Variants in PARD3 observed in about 807,000 individuals in gnomAD.
The protein encoded by PARD3 is partitioning defective 3 homolog.
Under a neutral mutation model 155.4 loss-of-function variants are expected in PARD3, and 75 were observed. That is an observed-to-expected ratio of 0.48 (90% confidence interval 0.40 to 0.58). The LOEUF (loss-of-function observed/expected upper bound fraction) is 0.58, where lower values mean the gene tolerates loss of function less well. Ranked by LOEUF, PARD3 falls within the 20% of genes least tolerant of loss-of-function variation. PARD3 has a pLI of 0.00. For missense variants in PARD3, 1,642 were observed against 1,721.7 expected (o/e 0.95, Z 0.82); for synonymous variants, 576 against 610.5 (o/e 0.94, Z 0.83).
intron 20 of PARD3, among the ~76,000 whole-genome samples, chr10:34,312,652 A>G (rs1272744682): frequency 6.6e-6 from 1 of 152,204 alleles, no homozygotes; most frequent in Non-Finnish European, 1.5e-5. Flanking sequence ...TCGGGGACCC[A>G]GGTAATCATT....
At chr10:34,266,332 G>A (rs924538933) in intron 22 of PARD3, among the ~76,000 whole-genome samples, 2 of 152,134 alleles carry the variant, frequency 1.3e-5, no homozygotes, top group Non-Finnish European at 2.9e-5. Flanking sequence ...TGACATCACA[G>A]CCAAATTCAC....
In PARD3 at chr10:34,119,695, C is replaced by T. The variant is rs145774096; in HGVS notation, c.3586G>A (p.Val1196Met). 1.1e-4 allele frequency: 181 copies of T among 1,613,008 alleles called. No homozygotes were observed. Among genetic ancestry groups the T allele is most frequent in the Admixed American group, 2.3e-4 (14 of 59,992 alleles). Residue 1196 changes from valine (V) to methionine (M), a missense_variant, in exon 24 of 25, where the codon GTG (valine) becomes ATG (methionine). Physicochemically the swap from Val to Met is conservative, Grantham distance 21. Coordinates refer to ENST00000374788, the MANE Select transcript of PARD3 (RefSeq NM_001184785.2). Reference protein sequence around the residue: ...ATQSGRHSVSVEVQMQRQRQE... With the variant: ...ATQSGRHSVSMEVQMQRQRQE... ...CGCTGCCGCTGCATCTGCACCTCCA[C>T]GGACACCGAGTGTCGCCCGCTCTGC... is the stretch of plus-strand genomic sequence containing the variant.
rs533886624 is a variant in PARD3 at position 34,229,576 on chromosome 10, C to T, written c.3419+40081G>A. Reference sequence around the variant, plus strand: ...TCTTCTTTTTAAATACATTCCACAACTGTTATGCCTAAATATGCCTCTTTA... The same window carrying T: ...TCTTCTTTTTAAATACATTCCACAATTGTTATGCCTAAATATGCCTCTTTA... On this transcript the variant is annotated intron_variant, in intron 22 of 24. Transcript: ENST00000374788. Among the ~76,000 whole-genome samples, 11 of 152,014 alleles carry T rather than the reference C, an allele frequency of 7.2e-5. 1 individual carries two copies. In the South Asian group the frequency reaches 2.1e-3, roughly 29 times the overall value.
intron 2 of PARD3, among the ~76,000 whole-genome samples, chr10:34,528,280 A>T (rs2082611959): frequency 6.6e-6 from 1 of 152,206 alleles, no homozygotes. Flanking sequence ...TTTTAAAGAA[A>T]ATCTATTCTA....
At chr10:34,229,164 A>G (rs1436914642) in intron 22 of PARD3, among the ~76,000 whole-genome samples, 1 of 152,082 alleles carries the variant, frequency 6.6e-6, no homozygotes, top group African/African-American at 2.4e-5. Context: ...CATCAGCTAT[A>G]TGACTGCTTC....
intron 1 of PARD3, among the ~76,000 whole-genome samples, chr10:34,793,870 T>C (rs549030557): frequency 6.6e-6 from 1 of 152,158 alleles, no homozygotes; most frequent in South Asian, 2.1e-4. Context: ...AGATAATCCA[T>C]AACAAATGGT....
intron 22 of PARD3, among the ~76,000 whole-genome samples, chr10:34,134,425 AGGATC>A (rs1947782039): frequency 6.6e-6 from 1 of 152,332 alleles, no homozygotes; most frequent in East Asian, 1.9e-4. Flanking sequence ...CATAATTATT[AGGATC>A]ATGAAGTTGA....
intron 22 of PARD3, among the ~76,000 whole-genome samples, chr10:34,158,175 T>G (rs920707912): frequency 6.6e-6 from 1 of 152,038 alleles, no homozygotes; most frequent in Non-Finnish European, 1.5e-5. Flanking sequence ...AGCCCAGAGT[T>G]TGAAACCAGC....
chr10:34,276,347 A>C (rs1955878083), intron 21 of PARD3, among the ~76,000 whole-genome samples: 1 of 152,206 alleles, frequency 6.6e-6, no homozygotes, highest in Admixed American at 6.6e-5. Context: ...TAAAGTAATA[A>C]GGTTAATTTC....
chr10:34,557,516 T>C (rs1413394966), intron 2 of PARD3, among the ~76,000 whole-genome samples: 2 of 152,108 alleles, frequency 1.3e-5, no homozygotes, highest in African/African-American at 4.8e-5. Flanking sequence ...TTCGCTCTTG[T>C]TGCTCAGGCC....
intron 22 of PARD3, among the ~76,000 whole-genome samples, chr10:34,220,175 T>G (rs1010286743): frequency 2.6e-5 from 4 of 152,150 alleles, no homozygotes; most frequent in Non-Finnish European, 4.4e-5. Context: ...TCACTGCAAC[T>G]CCACTCCTAC....
At chr10:34,228,058 ATAC>A (rs1261378486) in intron 22 of PARD3, among the ~76,000 whole-genome samples, 1 of 151,638 alleles carries the variant, frequency 6.6e-6, no homozygotes, top group African/African-American at 2.4e-5. Flanking sequence ...TGTGGCACAT[ATAC>A]ACCATGCAAT....
At chr10:34,271,241 G>A (rs928731196) in intron 21 of PARD3, among the ~76,000 whole-genome samples, 5 of 151,916 alleles carry the variant, frequency 3.3e-5, no homozygotes, top group African/African-American at 4.8e-5. Flanking sequence ...CAAAGAAAAG[G>A]AAGAAAGAAA....
intron 2 of PARD3, among the ~76,000 whole-genome samples, chr10:34,685,419 T>C (rs186707453): frequency 5.9e-5 from 9 of 152,308 alleles, no homozygotes; most frequent in African/African-American, 2.2e-4. Flanking sequence ...ACAACTCACC[T>C]ACCTGATCAG....
At chr10:34,137,377 T>G (rs1414329357) in intron 22 of PARD3, among the ~76,000 whole-genome samples, 1 of 152,184 alleles carries the variant, frequency 6.6e-6, no homozygotes, top group African/African-American at 2.4e-5. Flanking sequence ...GAAGCTGATA[T>G]TTCCCTAGTA....
chr10:34,534,801 A>T (rs931247052), intron 2 of PARD3, among the ~76,000 whole-genome samples: 12 of 152,312 alleles, frequency 7.9e-5, no homozygotes, highest in Admixed American at 7.8e-4. Context: ...ACTTGAGGTC[A>T]GGAATTCAAG....
intron 14 of PARD3, among the ~76,000 whole-genome samples, chr10:34,349,815 A>C (rs1420497736): frequency 1.3e-5 from 2 of 152,308 alleles, no homozygotes; most frequent in African/African-American, 2.4e-5. Context: ...ATAATGCTGC[A>C]ATTTTCTACA....
chr10:34,697,474 G>A (rs1014681088), intron 1 of PARD3, among the ~76,000 whole-genome samples: 2 of 152,104 alleles, frequency 1.3e-5, no homozygotes, highest in African/African-American at 2.4e-5. Flanking sequence ...TAAGACCCTG[G>A]AGCAGGGGTG....
At chr10:34,242,503 G>T (rs902355768) in intron 22 of PARD3, among the ~76,000 whole-genome samples, 1 of 152,138 alleles carries the variant, frequency 6.6e-6, no homozygotes, top group Non-Finnish European at 1.5e-5. Context: ...AAAATGAGGG[G>T]TTGTTAAACC....
Sources: allele counts gnomAD v4.1 joint callset (sites outside exome capture counted in the v4.1 genomes callset), GRCh38; gene constraint gnomAD v4.1.1; transcripts MANE v1.5; gene names NCBI Gene and HGNC (gene_info 2026-07-23, HGNC 2026-07-21).